APIP: variants seen among roughly 807,000 people sequenced by gnomAD.
The protein encoded by APIP is methylthioribulose-1-phosphate dehydratase.
APIP carries 32 observed loss-of-function variants against 32.0 expected under a neutral mutation model. The observed-to-expected ratio is 1.00, with a 90% confidence interval of 0.76 to 1.34. The LOEUF (loss-of-function observed/expected upper bound fraction) is 1.34. APIP is among the 40% of genes most tolerant of loss of function. The probability of loss-of-function intolerance (pLI) is 0.00; values close to 1 mark genes in which losing one functional copy is unlikely to be tolerated. For missense variants in APIP, 247 were observed against 298.6 expected, an observed-to-expected ratio of 0.83 and a Z score of 1.27; for synonymous variants, 92 against 94.8, an observed-to-expected ratio of 0.97 and a Z score of 0.17.
At chr11:34,891,857 C>T (rs1482382140) in intron 2 of APIP, among the ~76,000 whole-genome samples, 2 of 152,134 alleles carry the variant, frequency 1.3e-5, no homozygotes, top group Non-Finnish European at 2.9e-5. Context: ...ACCAGTGATC[C>T]AAATCTTGTG....
intron 1 of APIP, among the ~76,000 whole-genome samples, chr11:34,899,917 C>T (rs189580221): frequency 1.8e-4 from 28 of 152,320 alleles, no homozygotes; most frequent in Admixed American, 3.9e-4. Flanking sequence ...TCTTTCTAAA[C>T]GGGTAACAGA....
Position 34,914,771 on chromosome 11 carries a change from A to G in APIP, c.57+1457T>C, listed in dbSNP as rs145338488. Among the ~76,000 whole-genome samples, 773 of 152,196 alleles carry G rather than the reference A, an allele frequency of 5.1e-3. 5 individuals carry two copies. Among genetic ancestry groups the G allele is most frequent in the Middle Eastern group, 0.014 (4 of 294 alleles). On this transcript the variant is annotated intron_variant, in intron 1 of 6. Transcript: ENST00000395787. ...GTAATCCCAGCACTTTGGGCAGCTT[A>G]GGGGGGTGGATCACCTGAGATAACG...
chr11:34,894,935 G>T, intron 2 of APIP, 75 bp downstream of exon 2: 2 of 1,276,136 alleles, frequency 1.6e-6, no homozygotes, highest in Non-Finnish European at 2.3e-6. Context: ...GTTGTTCTTT[G>T]GATATAACAC....
At chr11:34,892,659 A>G (rs1853202018) in intron 2 of APIP, among the ~76,000 whole-genome samples, 1 of 152,146 alleles carries the variant, frequency 6.6e-6, no homozygotes, top group African/African-American at 2.4e-5. Flanking sequence ...TTTCTTGGTC[A>G]TTTATTTCCT....
chr11:34,913,328 T>C (rs1043501687), intron 1 of APIP, among the ~76,000 whole-genome samples: 9 of 152,228 alleles, frequency 5.9e-5, no homozygotes, highest in African/African-American at 2.2e-4. Flanking sequence ...CTCACTGACT[T>C]CAAGAATGAA....
At chr11:34,901,524 C>T (rs897594990) in intron 1 of APIP, among the ~76,000 whole-genome samples, 2 of 152,208 alleles carry the variant, frequency 1.3e-5, no homozygotes, top group Non-Finnish European at 2.9e-5. Context: ...CAGTCTCTCT[C>T]TTCTCCTCTA....
chr11:34,894,685 A>G (rs1853238439), intron 2 of APIP, among the ~76,000 whole-genome samples: 1 of 152,148 alleles, frequency 6.6e-6, no homozygotes, highest in African/African-American at 2.4e-5. Flanking sequence ...AACAAATCCT[A>G]TCTACCTAGA....
Position 34,890,555 on chromosome 11 carries a change from G to T in APIP, c.159-3C>A. The T allele has an allele frequency of 6.2e-7, 1 of 1,608,860 alleles. No homozygotes were observed. The highest frequency in any genetic ancestry group is 1.1e-5 in the South Asian group (1 of 90,300). On this transcript the variant is annotated splice_polypyrimidine_tract_variant and splice_region_variant and intron_variant, in intron 2 of 6. Coordinates refer to ENST00000395787, the MANE Select transcript of APIP (RefSeq NM_015957.4). ...AAGGAGCAATGTAGATTTCATCGCTGGCAACACAAAACATACAAATTGGTA... is the reference window on the plus strand; with the variant it reads ...AAGGAGCAATGTAGATTTCATCGCTTGCAACACAAAACATACAAATTGGTA...
chr11:34,892,381 A>G (rs1853198394), intron 2 of APIP, among the ~76,000 whole-genome samples: 2 of 152,148 alleles, frequency 1.3e-5, no homozygotes, highest in African/African-American at 4.8e-5. Context: ...AAACCCCAAG[A>G]GGTCAAAATA....
chr11:34,901,425 C>T (rs565934815), intron 1 of APIP, among the ~76,000 whole-genome samples: 1 of 152,146 alleles, frequency 6.6e-6, no homozygotes, highest in East Asian at 1.9e-4. Context: ...GCTCCAGCGA[C>T]TCAGACTGCC....
intron 5 of APIP, among the ~76,000 whole-genome samples, chr11:34,884,305 T>C (rs1853021044): frequency 1.3e-5 from 2 of 152,212 alleles, no homozygotes; most frequent in Non-Finnish European, 2.9e-5. Context: ...TATTCTGCAA[T>C]TGCTACTGTA....
chr11:34,912,855 C>A (rs1853579177), intron 1 of APIP, among the ~76,000 whole-genome samples: 1 of 152,190 alleles, frequency 6.6e-6, no homozygotes, highest in Non-Finnish European at 1.5e-5. Flanking sequence ...TCCATTAGTT[C>A]TGTCCCTCTA....
chr11:34,885,940 C>A (rs1322073232), intron 5 of APIP, among the ~76,000 whole-genome samples: 1 of 152,118 alleles, frequency 6.6e-6, no homozygotes, highest in Non-Finnish European at 1.5e-5. Context: ...AACAAACCTA[C>A]TGTGCTGCTA....
intron 4 of APIP, 115 bp from the exon 5 acceptor site, chr11:34,888,543 C>A: frequency 6.9e-7 from 1 of 1,446,764 alleles, no homozygotes. Context: ...CTTATTTTTC[C>A]TGGCATGGAA....
chr11:34,902,443 T>C (rs11500296), intron 1 of APIP, among the ~76,000 whole-genome samples: 28,789 of 152,056 alleles, frequency 0.19, 3,892 homozygotes, highest in African/African-American at 0.39. Flanking sequence ...GGTTTCAAAA[T>C]CCAAGGCCCA....
intron 1 of APIP, chr11:34,896,934 C>T (rs192996951): frequency 2.4e-5 from 14 of 594,894 alleles, no homozygotes; most frequent in Admixed American, 1.7e-4. Flanking sequence ...ACTGGAGACC[C>T]CACTGAGGTC....
Position 34,884,392 on chromosome 11 carries a change from C to T in APIP, c.462-888G>A, listed in dbSNP as rs75130313. On this transcript the variant is annotated intron_variant, in intron 5 of 6. Transcript: ENST00000395787. Reference sequence around the variant, plus strand: ...TTATCATTAAGAGTATAGAGTTGCCCATCACTTCACTTAAGTAAAACAGAG... The same window carrying T: ...TTATCATTAAGAGTATAGAGTTGCCTATCACTTCACTTAAGTAAAACAGAG... 5.5e-3 allele frequency among the ~76,000 whole-genome samples: 831 copies of T among 152,262 alleles called. 11 individuals carry two copies. Among genetic ancestry groups the T allele is most frequent in the African/African-American group, 0.019 (796 of 41,552 alleles).
intron 5 of APIP, among the ~76,000 whole-genome samples, chr11:34,886,975 A>G (rs1204241828): frequency 6.6e-6 from 1 of 152,206 alleles, no homozygotes; most frequent in Non-Finnish European, 1.5e-5. Flanking sequence ...CTTTATATAA[A>G]AGATAAACTT....
At chr11:34,900,260 G>C (rs1358515696) in intron 1 of APIP, among the ~76,000 whole-genome samples, 1 of 151,298 alleles carries the variant, frequency 6.6e-6, no homozygotes, top group African/African-American at 2.5e-5. Flanking sequence ...GCCTTTCCCA[G>C]AGCTAAAGTA....
Sources: allele counts gnomAD v4.1 joint callset (sites outside exome capture counted in the v4.1 genomes callset), GRCh38; gene constraint gnomAD v4.1.1; transcripts MANE v1.5; gene names NCBI Gene and HGNC (gene_info 2026-07-23, HGNC 2026-07-21).